CHRNA3: variants seen among roughly 807,000 people sequenced by gnomAD.
The protein encoded by CHRNA3 is cholinergic receptor nicotinic alpha 3 subunit, also known as neuronal acetylcholine receptor subunit alpha-3.
In CHRNA3, 34 loss-of-function variants were observed where a neutral mutation model predicts 41.9. The observed-to-expected ratio is 0.81, with a 90% CI of 0.62 to 1.08. The LOEUF is 1.08. Among genes scored for constraint, CHRNA3 ranks in the 50% least tolerant of loss-of-function variants. CHRNA3 has a pLI of 0.00. For synonymous variants in CHRNA3, 281 were observed against 265.2 expected, an observed-to-expected ratio of 1.06 and a Z score of -0.58; for missense variants, 542 against 638.3, an observed-to-expected ratio of 0.85 and a Z score of 1.63.
In CHRNA3 at chr15:78,614,376, T is replaced by C. The variant is rs554728670; in HGVS notation, c.377+2648A>G. On this transcript the variant is annotated intron_variant, in intron 4 of 5. Coordinates refer to ENST00000326828, the MANE Select transcript of CHRNA3 (RefSeq NM_000743.5). ...AAAAAAATCTGCAAGCCTGTTGAGT[T>C]TATATTGTGTCCCAGTTCTTTGATG... is the stretch of plus-strand genomic sequence containing the variant. 1.4e-3 allele frequency among the ~76,000 whole-genome samples: 216 copies of C among 152,344 alleles called. 1 individual carries two copies. The highest frequency in any genetic ancestry group is 3.3e-3 in the Admixed American group (50 of 15,300).
intron 5 of CHRNA3, 143 bp from the exon 6 acceptor site, chr15:78,596,875 T>C (rs1226093250): frequency 7.2e-6 from 9 of 1,253,004 alleles, no homozygotes; most frequent in Admixed American, 3.5e-5. Flanking sequence ...TCCTAATTGA[T>C]GTGGTCTGAG....
chr15:78,612,979 T>C (rs1450637976), intron 4 of CHRNA3, among the ~76,000 whole-genome samples: 1 of 152,158 alleles, frequency 6.6e-6, no homozygotes, highest in East Asian at 1.9e-4. Flanking sequence ...ATGCTCATCG[T>C]CACTGGCCAT....
At position 78,613,398 on chromosome 15, in the gene CHRNA3, T is replaced by G. The variant is rs1479635409; in HGVS notation, c.377+3626A>C. Among the ~76,000 whole-genome samples the G allele has an allele frequency of 5.3e-5, 8 of 151,902 alleles. No homozygotes were observed. In the South Asian group the frequency reaches 8.3e-4, roughly 16 times the overall value. On this transcript the variant is annotated intron_variant, in intron 4 of 5. Coordinates refer to ENST00000326828, the MANE Select transcript of CHRNA3 (RefSeq NM_000743.5). ...TGGAATACTATGCAGCCATAAAAAA[T>G]GATGAGTTCATGTCCTTTGTAGGGA...
At chr15:78,593,173 T>G, downstream of CHRNA3, 4 of 1,613,962 alleles carry the variant, frequency 2.5e-6, no homozygotes, top group Admixed American at 1.7e-5. Context: ...AATTGTTGGA[T>G]CTCTTGGGCT....
rs770506354 is a variant in CHRNA3, at chr15:78,617,064, C to T, written c.337G>A (p.Ala113Thr). ...YGGAEFMRVPAQKIWKPDIVL... is the reference protein window; with the variant it reads ...YGGAEFMRVPTQKIWKPDIVL... Reference sequence around the variant, plus strand: ...ATGTCTGGCTTCCAGATCTTCTGTGCAGGGACACGCATGAACTCTGCCCCA... The same window carrying T: ...ATGTCTGGCTTCCAGATCTTCTGTGTAGGGACACGCATGAACTCTGCCCCA... Residue 113 changes from alanine to threonine, a missense_variant, in exon 4 of 6, where the codon GCA becomes ACA. Physicochemically the swap from Ala to Thr is moderately conservative, Grantham distance 58. Coordinates refer to ENST00000326828, the MANE Select transcript of CHRNA3 (RefSeq NM_000743.5). 2.9e-5 allele frequency: 46 copies of T among 1,613,740 alleles called. No individual in the cohort carries two copies. Among genetic ancestry groups the T allele is most frequent in the African/African-American group, 1.3e-5 (1 of 74,930 alleles).
intron 4 of CHRNA3, among the ~76,000 whole-genome samples, chr15:78,607,778 C>T (rs2053315995): frequency 6.6e-6 from 1 of 152,208 alleles, no homozygotes; most frequent in African/African-American, 2.4e-5. Flanking sequence ...GGCATTGCCT[C>T]ACTTGGGAAG....
chr15:78,603,258 G>T (rs538473034), intron 4 of CHRNA3, among the ~76,000 whole-genome samples: 2 of 152,274 alleles, frequency 1.3e-5, no homozygotes, highest in African/African-American at 2.4e-5. Flanking sequence ...CAAGTGATCT[G>T]CCCACCTCGG....
chr15:78,595,931 G>T lies in CHRNA3; in HGVS notation c.*673C>A. 2.5e-6 allele frequency: 1 copy of T among 392,628 alleles called. No homozygotes were observed. Among genetic ancestry groups the T allele is most frequent in the Non-Finnish European group, 3.5e-6 (1 of 289,134 alleles). 24.3% of individuals were successfully genotyped at this position (392,628 alleles called of 1,614,324 possible). On this transcript the variant is annotated 3_prime_UTR_variant, in exon 6 of 6. Transcript: ENST00000326828. ...AGGACCCTCACCAGACACCAAATTT[G>T]CTGGTGCCTTGACCTTGGACCTCCC...
intron 4 of CHRNA3, among the ~76,000 whole-genome samples, chr15:78,610,818 T>C (rs1384524388): frequency 6.6e-6 from 1 of 152,072 alleles, no homozygotes; most frequent in Non-Finnish European, 1.5e-5. Context: ...ACAAAATTGA[T>C]AGACTGCTAG....
chr15:78,613,271 G>A (rs557180329), intron 4 of CHRNA3, among the ~76,000 whole-genome samples: 28 of 152,142 alleles, frequency 1.8e-4, no homozygotes, highest in South Asian at 8.3e-4. Context: ...ACATGCACAC[G>A]TATGTTTATT....
chr15:78,615,961 C>T (rs1369512044), intron 4 of CHRNA3, among the ~76,000 whole-genome samples: 3 of 150,692 alleles, frequency 2.0e-5, no homozygotes, highest in Admixed American at 2.0e-4. Flanking sequence ...AGGCTGGTCT[C>T]GAACTCCTGG....
intron 4 of CHRNA3, among the ~76,000 whole-genome samples, chr15:78,613,138 C>T (rs1451064322): frequency 6.6e-6 from 1 of 152,156 alleles, no homozygotes; most frequent in Non-Finnish European, 1.5e-5. Flanking sequence ...TAAACTAGTT[C>T]AACCATTGTG....
downstream of CHRNA3, chr15:78,594,267 C>T (rs2053062508): frequency 6.6e-6 from 1 of 152,194 alleles, no homozygotes; most frequent in South Asian, 2.1e-4. Flanking sequence ...TTTCAGTCCT[C>T]TTGTCCACAT....
downstream of CHRNA3, chr15:78,594,570 CAA>C (rs756191800): frequency 6.6e-5 from 10 of 152,276 alleles, no homozygotes; most frequent in Non-Finnish European, 1.5e-4. Flanking sequence ...CCCAGCTACT[CAA>C]GAGGCTGAGG....
chr15:78,617,983 C>A (rs3825844), intron 3 of CHRNA3, among the ~76,000 whole-genome samples: 9,029 of 152,274 alleles, frequency 0.059, 766 homozygotes, highest in East Asian at 0.25. Context: ...ACAGTGGCTT[C>A]TGCCTGTAAC....
Position 78,618,846 on chromosome 15 carries a change from C to T in CHRNA3, c.152G>A (p.Arg51Gln), listed in dbSNP as rs752563961. ...TGGGTCAGACACGTTGGCTACAGGC[C>T]GGATGATCTCATTGTAATCTTCAAA... ...RLFEDYNEII[R>Q]PVANVSDPVI... The change falls in exon 2 of 6, where the codon CGG becomes CAG. Residue 51 changes from arginine (R) to glutamine (Q), a missense_variant. Physicochemically the swap from Arg to Gln is conservative, Grantham distance 43. Coordinates refer to ENST00000326828, the MANE Select transcript of CHRNA3 (RefSeq NM_000743.5). The T allele has an allele frequency of 1.6e-5, 26 of 1,614,082 alleles. No individual in the cohort carries two copies. The highest frequency in any genetic ancestry group is 2.2e-5 in the Non-Finnish European group (26 of 1,180,018).
intron 2 of CHRNA3, 35 bp from the exon 3 acceptor site, chr15:78,618,696 C>CA (rs34844435): frequency 0.055 from 87,990 of 1,614,054 alleles, 2,930 homozygotes; most frequent in African/African-American, 0.15. Context: ...AGGAGAATTA[C>CA]AAAACAAGAC....
Position 78,601,492 on chromosome 15 carries a change from T to C in CHRNA3, c.1150A>G (p.Ser384Gly), listed in dbSNP as rs749646208. The C allele has an allele frequency of 6.2e-6, 10 of 1,614,060 alleles. No individual in the cohort carries two copies. The highest frequency in any genetic ancestry group is 1.6e-4 in the Middle Eastern group (1 of 6,084). Residue 384 changes from serine to glycine, a missense_variant, in exon 5 of 6, where the codon AGC becomes GGC. Coordinates refer to ENST00000326828, the MANE Select transcript of CHRNA3 (RefSeq NM_000743.5). ...TTGCAGCCTTTGGACTCTGCGCGGC[T>C]GAAGCAATTCAGATTTGAGAGCTCG... is the stretch of plus-strand genomic sequence containing the variant. ...GAELSNLNCF[S>G]RAESKGCKEG...
At chr15:78,593,207 G>T, downstream of CHRNA3, 3 of 1,613,306 alleles carry the variant, frequency 1.9e-6, no homozygotes, top group Non-Finnish European at 2.5e-6. Context: ...ATTTATAAAT[G>T]GGCAAATATA....
Sources: gnomAD v4.1 joint callset for allele counts (sites outside exome capture counted in the v4.1 genomes callset) on GRCh38, gnomAD v4.1.1 for gene constraint, MANE v1.5 for transcripts, NCBI Gene and HGNC (gene_info 2026-07-23, HGNC 2026-07-21) for gene names.